PAH: variants seen among roughly 807,000 people sequenced by gnomAD.
The protein encoded by PAH is phenylalanine hydroxylase, also known as phenylalanine-4-hydroxylase.
PAH carries 64 observed loss-of-function variants against 62.0 expected under a neutral mutation model. The ratio of observed to expected loss-of-function variants is 1.03; its 90% CI spans 0.84 to 1.27. The LOEUF (loss-of-function observed/expected upper bound fraction) is 1.27, where lower values mean the gene tolerates loss of function less well. Ranked by LOEUF, PAH falls within the 50% of genes most tolerant of loss-of-function variation. The pLI is 0.00. For missense variants in PAH, 579 were observed against 542.8 expected (o/e 1.07, Z -0.66); for synonymous variants, 195 against 196.2 (o/e 0.99, Z 0.05).
At chr12:102,902,238 T>G (rs573698942) in intron 2 of PAH, among the ~76,000 whole-genome samples, 1 of 152,240 alleles carries the variant, frequency 6.6e-6, no homozygotes, top group Non-Finnish European at 1.5e-5. Flanking sequence ...CCGGTGTGAC[T>G]GGGGCAGAGT....
At position 102,837,725 on chromosome 12, in the gene PAH, A is replaced by G. The variant is rs930018421; in HGVS notation, c.*1450T>C. ...TTGGTTTATAAAGTTTAACTCCCTC[A>G]TTGTTAGAGTGACACTGAGGTCTAA... On this transcript the variant is annotated 3_prime_UTR_variant, in exon 13 of 13. Transcript: ENST00000553106. 7.9e-5 allele frequency: 12 copies of G among 152,206 alleles called. No individual in the cohort carries two copies. The highest frequency in any genetic ancestry group is 2.9e-4 in the African/African-American group (12 of 41,434). The allele number at this position is 152,206 out of a possible 1,614,324, so 9.4% of individuals were successfully genotyped here.
chr12:102,887,147 G>A (rs1877075305), intron 3 of PAH, among the ~76,000 whole-genome samples: 1 of 151,944 alleles, frequency 6.6e-6, no homozygotes, highest in Non-Finnish European at 1.5e-5. Flanking sequence ...AGTATTGTCA[G>A]AATGGTACAA....
At chr12:102,906,810 C>T (rs1226291293) in intron 2 of PAH, among the ~76,000 whole-genome samples, 2 of 152,330 alleles carry the variant, frequency 1.3e-5, no homozygotes, top group East Asian at 3.9e-4. Flanking sequence ...CTCTAAGCCA[C>T]AGCCCTGCAT....
intron 1 of PAH, among the ~76,000 whole-genome samples, chr12:102,914,185 T>C (rs1170490607): frequency 2.6e-5 from 4 of 152,010 alleles, no homozygotes; most frequent in African/African-American, 9.7e-5. Context: ...TCAGCAAGAG[T>C]GATTTTAGGG....
chr12:102,848,827 A>AGGTCAC (rs1875014622), intron 8 of PAH, among the ~76,000 whole-genome samples: 1 of 149,708 alleles, frequency 6.7e-6, no homozygotes, highest in African/African-American at 2.5e-5. Context: ...GAGTGTAGAC[A>AGGTCAC]CAATACCAGG....
chr12:102,860,338 CACAG>C (rs1240812100), intron 5 of PAH, among the ~76,000 whole-genome samples: 1 of 152,124 alleles, frequency 6.6e-6, no homozygotes, highest in African/African-American at 2.4e-5. Context: ...TAAAAGAGAA[CACAG>C]ACAAATGGAA....
At chr12:102,931,986 A>G (rs529816801) in intron 1 of PAH, among the ~76,000 whole-genome samples, 88 of 152,324 alleles carry the variant, frequency 5.8e-4, no homozygotes, top group African/African-American at 2.1e-3. Context: ...GTGTCTGTTG[A>G]AAGAATAAAT....
intron 9 of PAH, among the ~76,000 whole-genome samples, chr12:102,845,627 C>T (rs563320058): frequency 6.6e-6 from 1 of 152,250 alleles, no homozygotes; most frequent in African/African-American, 2.4e-5. Flanking sequence ...CTGCTGGAGA[C>T]AGTCACAGTT....
In PAH at chr12:102,917,122, A is replaced by G. The variant is rs1171271278; in HGVS notation, c.9T>C (p.Thr3=). Residue 3 remains threonine, a synonymous_variant, in exon 1 of 13, where the codon ACT becomes ACC. Transcript: ENST00000553106. The part of the protein sequence containing the change: MS[T]AVLENPGLGR... The stretch of plus-strand genomic sequence containing the variant: ...CCAAGCCTGGGTTTTCCAGGACCGC[A>G]GTGGACATGCTGGCTCCCCGGGAGT... 3 of 1,614,072 alleles carry G rather than the reference A, an allele frequency of 1.9e-6. No individual in the cohort carries two copies. The highest frequency in any genetic ancestry group is 2.5e-6 in the Non-Finnish European group (3 of 1,180,028).
chr12:102,845,723 A>T (rs905302499), intron 9 of PAH, among the ~76,000 whole-genome samples: 2 of 152,308 alleles, frequency 1.3e-5, no homozygotes, highest in African/African-American at 4.8e-5. Flanking sequence ...GAGCTCAGTC[A>T]GTCTGACCTC....
intron 2 of PAH, among the ~76,000 whole-genome samples, chr12:102,907,049 TAAG>T (rs1781854517): frequency 6.6e-6 from 1 of 152,224 alleles, no homozygotes. Context: ...ATTTTTTTCT[TAAG>T]AAATGATATG....
At chr12:102,879,063 C>G (rs1876703804) in intron 3 of PAH, among the ~76,000 whole-genome samples, 1 of 152,114 alleles carries the variant, frequency 6.6e-6, no homozygotes, top group African/African-American at 2.4e-5. Flanking sequence ...AGCATGCGGT[C>G]TGGCTTAGAA....
exon 1 of PAH, chr12:102,958,333 G>A: frequency 2.0e-6 from 3 of 1,464,622 alleles, no homozygotes; most frequent in Non-Finnish European, 2.7e-6. Context: ...CCCGCAGCCT[G>A]TTTCTTTGCC....
chr12:102,872,829 G>C (rs1248067556), intron 4 of PAH, among the ~76,000 whole-genome samples: 3 of 152,152 alleles, frequency 2.0e-5, no homozygotes, highest in Non-Finnish European at 2.9e-5. Flanking sequence ...TTAGCTGGGT[G>C]TGGTGGCACA....
Position 102,917,219 on chromosome 12 carries a change from C to A in PAH, c.-89G>T. On this transcript the variant is annotated 5_prime_UTR_variant, in exon 1 of 13. Transcript: ENST00000553106. ...CAGCACGTGGGGCTGAAGGTTTTAA[C>A]CTCGCACTAGGGAGGAGAAGAGAGT... The A allele has an allele frequency of 1.8e-6, 2 of 1,096,660 alleles. No individual in the cohort carries two copies. Among genetic ancestry groups the A allele is most frequent in the Non-Finnish European group, 2.8e-6 (2 of 714,590 alleles). The allele number at this position is 1,096,660 out of a possible 1,614,324, so 67.9% of individuals were successfully genotyped here.
intron 6 of PAH, among the ~76,000 whole-genome samples, chr12:102,854,030 T>C (rs1242713138): frequency 6.6e-6 from 1 of 152,232 alleles, no homozygotes; most frequent in Non-Finnish European, 1.5e-5. Context: ...ATTCTTATTA[T>C]TGGCCATGGC....
At chr12:102,933,145 T>C (rs1878979869) in intron 1 of PAH, among the ~76,000 whole-genome samples, 1 of 152,190 alleles carries the variant, frequency 6.6e-6, no homozygotes. Flanking sequence ...TCTCAGCCTC[T>C]GGTACCCATT....
At chr12:102,898,436 G>T (rs887391818) in intron 2 of PAH, among the ~76,000 whole-genome samples, 1 of 151,782 alleles carries the variant, frequency 6.6e-6, no homozygotes, top group Non-Finnish European at 1.5e-5. Context: ...ACATAATAGG[G>T]GTTATTCCAA....
intron 1 of PAH, among the ~76,000 whole-genome samples, chr12:102,930,848 G>A (rs901515102): frequency 6.6e-6 from 1 of 152,158 alleles, no homozygotes; most frequent in Non-Finnish European, 1.5e-5. Flanking sequence ...CTGTTTGTAA[G>A]GCACAAATCT....
Sources: gnomAD v4.1 joint callset for allele counts (sites outside exome capture counted in the v4.1 genomes callset) on GRCh38, gnomAD v4.1.1 for gene constraint, MANE v1.5 for transcripts, NCBI Gene and HGNC (gene_info 2026-07-23, HGNC 2026-07-21) for gene names.